MYH15: variants seen among roughly 807,000 people sequenced by gnomAD.
The protein encoded by MYH15 is myosin heavy chain 15, also known as myosin-15.
MYH15 carries 227 observed loss-of-function variants against 240.5 expected under a neutral mutation model. That is an observed-to-expected ratio of 0.94 (90% CI 0.85 to 1.05). The LOEUF (loss-of-function observed/expected upper bound fraction) is 1.05. MYH15 is among the 50% of genes least tolerant of loss of function. MYH15 has a pLI of 0.00. For synonymous variants in MYH15, 785 were observed against 796.7 expected, an observed-to-expected ratio of 0.99 and a Z score of 0.25; for missense variants, 2,217 against 2,247.5, an observed-to-expected ratio of 0.99 and a Z score of 0.27.
At chr3:108,478,437 A>C (rs2107591910) in intron 11 of MYH15, among the ~76,000 whole-genome samples, 1 of 152,352 alleles carries the variant, frequency 6.6e-6, no homozygotes, top group East Asian at 1.9e-4. Flanking sequence ...AGACATGCCC[A>C]TCCTATACTG....
At chr3:108,430,992 T>C (rs2082774360) in intron 25 of MYH15, 70 bp from the exon 26 acceptor site, 5 of 1,018,634 alleles carry the variant, frequency 4.9e-6, no homozygotes, top group Non-Finnish European at 4.5e-6. Flanking sequence ...GTTAGAATTG[T>C]AATATTCCTA....
At chr3:108,435,525 G>A (rs1291154200) in intron 25 of MYH15, among the ~76,000 whole-genome samples, 5 of 151,668 alleles carry the variant, frequency 3.3e-5, no homozygotes, top group South Asian at 2.1e-4. Context: ...CTATGAATTC[G>A]ATTATTTTAG....
chr3:108,392,763 T>C lies in MYH15; in HGVS notation c.5260-833A>G, dbSNP rs369653676. ...TTTCAACACTGTCAAGAAAATCTTA[T>C]CAAGGCAAGATTAAGCAGAGAGCAT... On this transcript the variant is annotated intron_variant, in intron 36 of 40. Transcript: ENST00000693548. Among the ~76,000 whole-genome samples the C allele has an allele frequency of 1.2e-4, 18 of 152,342 alleles. 1 individual carries two copies. The South Asian group carries it at 3.7e-3, about 32-fold the overall frequency.
At chr3:108,502,384 T>C (rs1333595163) in intron 2 of MYH15, among the ~76,000 whole-genome samples, 2 of 152,176 alleles carry the variant, frequency 1.3e-5, no homozygotes, top group African/African-American at 4.8e-5. Context: ...TAATACTCTT[T>C]TGTATATTTT....
chr3:108,495,823 A>T lies in MYH15; in HGVS notation c.668T>A (p.Phe223Tyr). Reference sequence around the variant, plus strand: ...ATTTCTCAGGGTTTTAGCATTTCCAAATGCTTCCAAGATAGTATTCGCTTG... The same window carrying T: ...ATTTCTCAGGGTTTTAGCATTTCCATATGCTTCCAAGATAGTATTCGCTTG... ...IMQANTILEA[F>Y]GNAKTLRNDN... is the part of the protein sequence containing the mutation. The change falls in exon 7 of 41, where the codon TTT becomes TAT. Residue 223 changes from phenylalanine (F) to tyrosine (Y), a missense_variant. Phe to Tyr is a conservative substitution (Grantham distance 22). Transcript: ENST00000693548. 1 of 1,612,902 alleles carries T rather than the reference A, an allele frequency of 6.2e-7. No individual in the cohort carries two copies. Among genetic ancestry groups the T allele is most frequent in the South Asian group, 1.1e-5 (1 of 90,766 alleles).
chr3:108,492,364 T>C, intron 9 of MYH15, 136 bp downstream of exon 9: 1 of 499,836 alleles, frequency 2.0e-6, no homozygotes, highest in Admixed American at 3.2e-5. Flanking sequence ...TTGATTCAAT[T>C]CCCTAAGTTT....
intron 13 of MYH15, 130 bp from the exon 14 acceptor site, chr3:108,470,342 G>T: frequency 1.6e-6 from 1 of 608,734 alleles, no homozygotes. Flanking sequence ...AGTAACAAAT[G>T]CTCAATTAAC....
Position 108,441,509 on chromosome 3 carries a change from T to C in MYH15, c.2656-249A>G, listed in dbSNP as rs548831709. On this transcript the variant is annotated intron_variant, in intron 22 of 40. Transcript: ENST00000693548. ...ATTCAGTAGATTAGATTACTTCTTC[T>C]AAAGCACTTAATAGAATCCTGGTGG... Among the ~76,000 whole-genome samples the C allele has an allele frequency of 7.2e-5, 11 of 152,324 alleles. No homozygotes were observed. In the East Asian group the frequency reaches 2.1e-3, roughly 29 times the overall value.
At chr3:108,446,689 G>A (rs865844885) in intron 21 of MYH15, among the ~76,000 whole-genome samples, 6 of 152,240 alleles carry the variant, frequency 3.9e-5, no homozygotes, top group South Asian at 2.1e-4. Flanking sequence ...CACCTGGAGC[G>A]GTTAGCAACA....
At chr3:108,511,123 GA>G (rs1358591016), upstream of MYH15, among the ~76,000 whole-genome samples, 1 of 152,056 alleles carries the variant, frequency 6.6e-6, no homozygotes, top group African/African-American at 2.4e-5. Context: ...GATAGGCGTG[GA>G]GGGGGGTTTC....
At chr3:108,534,305 A>G (rs1363569978), upstream of MYH15, among the ~76,000 whole-genome samples, 1 of 152,206 alleles carries the variant, frequency 6.6e-6, no homozygotes, top group Non-Finnish European at 1.5e-5. Flanking sequence ...ATAGAAAATT[A>G]GACCAGCCTA....
chr3:108,493,407 T>C (rs1294184970), intron 7 of MYH15, among the ~76,000 whole-genome samples: 1 of 152,196 alleles, frequency 6.6e-6, no homozygotes, highest in Non-Finnish European at 1.5e-5. Flanking sequence ...AGAATGATTG[T>C]CAGGACTAGC....
intron 21 of MYH15, among the ~76,000 whole-genome samples, chr3:108,449,722 T>G (rs1012786923): frequency 5.3e-5 from 8 of 151,574 alleles, no homozygotes; most frequent in African/African-American, 1.7e-4. Context: ...CAAGCAAAAA[T>G]AGACAATGGG....
At chr3:108,536,506 A>G in the MYH15 span, among the ~76,000 whole-genome samples, 2 of 152,252 alleles carry the variant, frequency 1.3e-5, no homozygotes, top group Non-Finnish European at 2.9e-5. Context: ...TGTAAAGTTT[A>G]TAGTTCTTTA....
chr3:108,387,577 C>T (rs1403779397), intron 38 of MYH15, among the ~76,000 whole-genome samples: 1 of 150,664 alleles, frequency 6.6e-6, no homozygotes, highest in Non-Finnish European at 1.5e-5. Flanking sequence ...AAGTTGTTTA[C>T]AGAATAAAAC....
chr3:108,425,862 A>C (rs1411566253), intron 27 of MYH15, among the ~76,000 whole-genome samples: 1 of 152,214 alleles, frequency 6.6e-6, no homozygotes, highest in Non-Finnish European at 1.5e-5. Flanking sequence ...TGGTAGTAAA[A>C]CAGACAGTAA....
Position 108,408,306 on chromosome 3 carries a change from C to T in MYH15, c.4594G>A (p.Val1532Ile), listed in dbSNP as rs967907047. The change falls in exon 32 of 41, where the codon GTC becomes ATC. Residue 1532 changes from valine to isoleucine, a missense_variant. By Grantham distance (29) the Val-to-Ile change is conservative. Transcript: ENST00000693548. The part of the protein sequence containing the change: ...KKLIEEEKTE[V>I]QVTLEETEGA... ...TCTGTTTCTTCCAGTGTCACCTGGACTTCTGTCTTCTCTTCTTCAATTAGT... is the reference window on the plus strand; with the variant it reads ...TCTGTTTCTTCCAGTGTCACCTGGATTTCTGTCTTCTCTTCTTCAATTAGT... 9 of 1,613,386 alleles carry T rather than the reference C, an allele frequency of 5.6e-6. No individual in the cohort carries two copies. The highest frequency in any genetic ancestry group is 7.6e-6 in the Non-Finnish European group (9 of 1,179,878).
chr3:108,405,200 G>A, intron 33 of MYH15, 138 bp downstream of exon 33: 1 of 443,522 alleles, frequency 2.3e-6, no homozygotes, highest in Non-Finnish European at 4.1e-6. Context: ...GTATATAAAA[G>A]AAAATAATAT....
At chr3:108,425,069 A>G (rs2082715609) in intron 27 of MYH15, among the ~76,000 whole-genome samples, 1 of 152,254 alleles carries the variant, frequency 6.6e-6, no homozygotes, top group African/African-American at 2.4e-5. Context: ...ATGCATAAGT[A>G]TAAAGAGGGA....
Sources: gnomAD v4.1 joint callset for allele counts (sites outside exome capture counted in the v4.1 genomes callset) on GRCh38, gnomAD v4.1.1 for gene constraint, MANE v1.5 for transcripts, NCBI Gene and HGNC (gene_info 2026-07-23, HGNC 2026-07-21) for gene names.